Variants in SKAP1 observed in about 807,000 individuals in gnomAD.
The protein encoded by SKAP1 is src kinase associated phosphoprotein 1.
In SKAP1, 44 loss-of-function variants were observed where a neutral mutation model predicts 58.5. That is an observed-to-expected ratio of 0.75 (90% CI 0.59 to 0.97). SKAP1 has a LOEUF of 0.97. SKAP1 is among the 50% of genes least tolerant of loss of function. SKAP1 has a pLI of 0.00. For synonymous variants in SKAP1, 127 were observed against 149.7 expected, an observed-to-expected ratio of 0.85 and a Z score of 1.11; for missense variants, 390 against 435.2, an observed-to-expected ratio of 0.90 and a Z score of 0.92.
intron 1 of SKAP1, among the ~76,000 whole-genome samples, chr17:48,400,500 G>A (rs2067485169): frequency 6.6e-6 from 1 of 152,082 alleles, no homozygotes; most frequent in African/African-American, 2.4e-5. Context: ...GTCCATGCTT[G>A]GGATTATTCT....
intron 3 of SKAP1, among the ~76,000 whole-genome samples, chr17:48,347,127 A>C (rs1222976619): frequency 6.6e-6 from 1 of 152,216 alleles, no homozygotes; most frequent in Non-Finnish European, 1.5e-5. Context: ...ACCGGAAGAA[A>C]AGGCTCTGTA....
chr17:48,293,775 A>G (rs537636081), intron 4 of SKAP1, among the ~76,000 whole-genome samples: 1 of 152,334 alleles, frequency 6.6e-6, no homozygotes, highest in South Asian at 2.1e-4. Context: ...AATCTACTTC[A>G]GGGCTCACCT....
At chr17:48,295,156 T>G (rs1187570785) in intron 4 of SKAP1, among the ~76,000 whole-genome samples, 2 of 152,168 alleles carry the variant, frequency 1.3e-5, no homozygotes, top group African/African-American at 4.8e-5. Context: ...ATGATCACTA[T>G]GTTTTGCACG....
chr17:48,442,680 C>T, the SKAP1 span, among the ~76,000 whole-genome samples: 1 of 152,180 alleles, frequency 6.6e-6, no homozygotes, highest in African/African-American at 2.4e-5. Context: ...CCTCTTTCTT[C>T]CTCTGCCAAG....
At chr17:48,220,970 G>GT (rs2064999543) in intron 4 of SKAP1, among the ~76,000 whole-genome samples, 1 of 149,682 alleles carries the variant, frequency 6.7e-6, no homozygotes, top group African/African-American at 2.5e-5. Flanking sequence ...TGTTCACTTT[G>GT]TTAAAAAAAA....
intron 2 of SKAP1, among the ~76,000 whole-genome samples, chr17:48,389,637 C>T (rs2067321501): frequency 6.6e-6 from 1 of 152,074 alleles, no homozygotes; most frequent in South Asian, 2.1e-4. Context: ...TTCTCTGAGC[C>T]CTTTGCTGAG....
chr17:48,358,708 C>T (rs913614418), intron 3 of SKAP1, among the ~76,000 whole-genome samples: 1 of 152,150 alleles, frequency 6.6e-6, no homozygotes, highest in African/African-American at 2.4e-5. Flanking sequence ...GTACTTGCCT[C>T]GCCCTACTTT....
At chr17:48,235,434 C>CTTT (rs11389200) in intron 4 of SKAP1, among the ~76,000 whole-genome samples, 22 of 146,348 alleles carry the variant, frequency 1.5e-4, no homozygotes, top group Admixed American at 6.1e-4. Context: ...TTAGCTTTCA[C>CTTT]TTTTTTTTTT....
intron 4 of SKAP1, among the ~76,000 whole-genome samples, chr17:48,296,297 A>G (rs1222906324): frequency 2.0e-5 from 3 of 152,194 alleles, no homozygotes; most frequent in Non-Finnish European, 4.4e-5. Context: ...TGCTTATTAA[A>G]TCTATGCATG....
chr17:48,313,181 G>A (rs1163103908), intron 4 of SKAP1, among the ~76,000 whole-genome samples: 1 of 152,032 alleles, frequency 6.6e-6, no homozygotes, highest in Non-Finnish European at 1.5e-5. Context: ...GTGTGAACAG[G>A]AACCGAACCT....
intron 4 of SKAP1, among the ~76,000 whole-genome samples, chr17:48,303,361 T>C (rs1360409981): frequency 6.6e-6 from 1 of 152,212 alleles, no homozygotes; most frequent in Non-Finnish European, 1.5e-5. Flanking sequence ...TTCAAATCAT[T>C]TCTCATCTCA....
At chr17:48,177,103 C>CTCGT (rs917717652) in intron 9 of SKAP1, among the ~76,000 whole-genome samples, 4 of 152,202 alleles carry the variant, frequency 2.6e-5, no homozygotes, top group East Asian at 3.8e-4. Context: ...TCCCTCCACC[C>CTCGT]AGCACCTGGC....
chr17:48,172,560 T>C (rs569713224), intron 9 of SKAP1, among the ~76,000 whole-genome samples: 9 of 152,194 alleles, frequency 5.9e-5, no homozygotes, highest in Non-Finnish European at 1.3e-4. Context: ...CACTCACACA[T>C]ATATACACAC....
intron 11 of SKAP1, among the ~76,000 whole-genome samples, chr17:48,140,231 A>G (rs2063751897): frequency 6.6e-6 from 1 of 152,130 alleles, no homozygotes; most frequent in South Asian, 2.1e-4. Context: ...AAATTCCCTG[A>G]GCACTTCTCA....
intron 4 of SKAP1, among the ~76,000 whole-genome samples, chr17:48,313,452 C>G (rs892455660): frequency 1.1e-4 from 17 of 152,060 alleles, no homozygotes; most frequent in African/African-American, 4.1e-4. Flanking sequence ...CTATTTTTCT[C>G]AAGTTTTCTT....
At chr17:48,193,520 G>GGTACTGTACACCACACT (rs1397395891) in intron 4 of SKAP1, 1 of 167,164 alleles carries the variant, frequency 6.0e-6, no homozygotes, top group African/African-American at 2.4e-5. Context: ...CTGTGTACAA[G>GGTACTGTACACCACACT]GTACTGTGTG....
chr17:48,432,118 C>T (rs1176254559), upstream of SKAP1, among the ~76,000 whole-genome samples: 2 of 152,182 alleles, frequency 1.3e-5, no homozygotes, highest in Non-Finnish European at 2.9e-5. Flanking sequence ...GCTCATCCTC[C>T]TTCCTGCCCT....
intron 4 of SKAP1, among the ~76,000 whole-genome samples, chr17:48,231,557 A>C (rs1027035216): frequency 3.4e-5 from 5 of 146,782 alleles, no homozygotes; most frequent in Admixed American, 6.8e-5. Flanking sequence ...AAAAAAAAAG[A>C]AAGCAAGGAA....
At chr17:48,148,443 G>C (rs1171792808) in intron 11 of SKAP1, among the ~76,000 whole-genome samples, 12 of 152,240 alleles carry the variant, frequency 7.9e-5, no homozygotes, top group Non-Finnish European at 1.5e-5. Flanking sequence ...TGATAGAATT[G>C]TGATACCATG....
Sources: gnomAD v4.1 joint callset for allele counts (sites outside exome capture counted in the v4.1 genomes callset) on GRCh38, gnomAD v4.1.1 for gene constraint, MANE v1.5 for transcripts, NCBI Gene and HGNC (gene_info 2026-07-23, HGNC 2026-07-21) for gene names.